The following HEATR3 variants were observed in gnomAD, a reference collection of about 807,000 sequenced individuals.
HEATR3 encodes HEAT repeat containing 3, also known as HEAT repeat-containing protein 3.
HEATR3 carries 56 observed loss-of-function variants against 72.8 expected under a neutral mutation model. That is an observed-to-expected ratio of 0.77 (90% confidence interval 0.62 to 0.96). HEATR3 has a LOEUF of 0.96. Ranked by LOEUF, HEATR3 falls within the 40% of genes least tolerant of loss-of-function variation. The pLI is 0.00. For missense variants in HEATR3, 747 were observed against 831.4 expected (o/e 0.90, Z 1.25); for synonymous variants, 331 against 318.1 (o/e 1.04, Z -0.43).
At chr16:50,103,648 A>G (rs2037415938) in intron 14 of HEATR3, among the ~76,000 whole-genome samples, 1 of 152,310 alleles carries the variant, frequency 6.6e-6, no homozygotes, top group African/African-American at 2.4e-5. Flanking sequence ...CAAGCCTTCC[A>G]GATGATACCG....
At chr16:50,101,620 A>G (rs1043306044) in intron 13 of HEATR3, among the ~76,000 whole-genome samples, 74 of 152,284 alleles carry the variant, frequency 4.9e-4, no homozygotes, top group African/African-American at 1.7e-3. Context: ...CAGTTGTCCA[A>G]TATAGTGTCC....
At chr16:50,093,806 G>A (rs529742352) in intron 11 of HEATR3, among the ~76,000 whole-genome samples, 3 of 152,268 alleles carry the variant, frequency 2.0e-5, no homozygotes, top group Middle Eastern at 3.4e-3. Flanking sequence ...TTCCCAGGGC[G>A]GAAGTCGAGA....
intron 9 of HEATR3, 113 bp from the exon 10 acceptor site, chr16:50,084,456 T>C: frequency 8.9e-7 from 1 of 1,129,536 alleles, no homozygotes; most frequent in Non-Finnish European, 1.3e-6. Context: ...GAAAAGGTCA[T>C]TCTATATGAA....
At chr16:50,101,930 T>C (rs979299117) in intron 13 of HEATR3, among the ~76,000 whole-genome samples, 1 of 152,268 alleles carries the variant, frequency 6.6e-6, no homozygotes, top group East Asian at 1.9e-4. Flanking sequence ...TTGTTGTCGT[T>C]GTTGTTACAG....
chr16:50,089,161 A>T (rs897030586), intron 11 of HEATR3, among the ~76,000 whole-genome samples: 3 of 152,288 alleles, frequency 2.0e-5, no homozygotes, highest in South Asian at 2.1e-4. Flanking sequence ...GGGAAAATAT[A>T]ACTAAGCACT....
intron 2 of HEATR3, 72 bp downstream of exon 2, chr16:50,066,611 C>A: frequency 1.6e-6 from 2 of 1,227,060 alleles, no homozygotes; most frequent in Non-Finnish European, 1.0e-6. Flanking sequence ...GCGGTCGCAG[C>A]GGTCACCCAG....
At chr16:50,083,057 C>G (rs1204652357) in intron 7 of HEATR3, among the ~76,000 whole-genome samples, 2 of 152,114 alleles carry the variant, frequency 1.3e-5, no homozygotes, top group Non-Finnish European at 2.9e-5. Flanking sequence ...TTGCTTGAGT[C>G]CAGGAATTTG....
intron 2 of HEATR3, 161 bp downstream of exon 2, chr16:50,066,700 G>T (rs1266855628): frequency 1.6e-6 from 1 of 612,460 alleles, no homozygotes; most frequent in Non-Finnish European, 2.4e-6. Flanking sequence ...CTCCGGAGAA[G>T]CCCAGTATCC....
intron 13 of HEATR3, among the ~76,000 whole-genome samples, chr16:50,101,557 T>C (rs61321848): frequency 0.023 from 3,454 of 152,314 alleles, 129 homozygotes; most frequent in African/African-American, 0.08. Context: ...CTTTCTCTCT[T>C]AATCTTGAAC....
Position 50,094,832 on chromosome 16 carries a change from A to T in HEATR3, c.1599+39A>T, listed in dbSNP as rs1367351410. Reference sequence around the variant, plus strand: ...AATTTTTTGTATGAAACTTGTAAAGATTGTGTATTATGGAGGCAAAATTCA... The same window carrying T: ...AATTTTTTGTATGAAACTTGTAAAGTTTGTGTATTATGGAGGCAAAATTCA... On this transcript the variant is annotated intron_variant, in intron 12 of 14. Coordinates refer to ENST00000299192, the MANE Select transcript of HEATR3 (RefSeq NM_182922.4). The T allele has an allele frequency of 4.6e-6, 6 of 1,291,870 alleles. No homozygotes were observed. The African/African-American group carries it at 9.0e-5, about 19-fold the overall frequency. 80.0% of individuals were successfully genotyped at this position (1,291,870 alleles called of 1,614,324 possible).
intron 12 of HEATR3, among the ~76,000 whole-genome samples, chr16:50,095,263 G>A (rs889454228): frequency 1.3e-5 from 2 of 151,844 alleles, no homozygotes; most frequent in Admixed American, 6.6e-5. Context: ...ACAGGCATGC[G>A]TCACCACAAA....
rs1250292061 is a variant in HEATR3, at chr16:50,106,629, C to T, written c.*1568C>T. On this transcript the variant is annotated 3_prime_UTR_variant, in exon 15 of 15. Coordinates refer to ENST00000299192, the MANE Select transcript of HEATR3 (RefSeq NM_182922.4). ...CATTGTCTCGGCTGGGCCTCTGAAC[C>T]GGCTTCATTGTCCATCCGTTTGCCT... 1 of 152,070 alleles carries T rather than the reference C, an allele frequency of 6.6e-6. No individual in the cohort carries two copies. The highest frequency in any genetic ancestry group is 1.5e-5 in the Non-Finnish European group (1 of 68,018). The allele number at this position is 152,070 out of a possible 1,614,324, so 9.4% of individuals were successfully genotyped here.
chr16:50,091,435 C>A (rs967858341), intron 11 of HEATR3, among the ~76,000 whole-genome samples: 1 of 151,692 alleles, frequency 6.6e-6, no homozygotes, highest in Non-Finnish European at 1.5e-5. Context: ...CCACTGCACT[C>A]CAGCCTGAGC....
At position 50,066,103 on chromosome 16, in the gene HEATR3, G is replaced by A; in HGVS notation, c.-29G>A. The stretch of plus-strand genomic sequence containing the variant: ...CCGCCTGCTGTTGCCCTCCTCTCTC[G>A]GTGGTCTGTCCGCCCAGCGCACGTC... On this transcript the variant is annotated 5_prime_UTR_variant, in exon 1 of 15. Coordinates refer to ENST00000299192, the MANE Select transcript of HEATR3 (RefSeq NM_182922.4). 6.4e-7 allele frequency: 1 copy of A among 1,567,642 alleles called. No homozygotes were observed. The highest frequency in any genetic ancestry group is 8.6e-7 in the Non-Finnish European group (1 of 1,159,988).
At chr16:50,070,473 G>A (rs1209140770) in intron 4 of HEATR3, among the ~76,000 whole-genome samples, 183 bp downstream of exon 4, 1 of 152,190 alleles carries the variant, frequency 6.6e-6, no homozygotes, top group Non-Finnish European at 1.5e-5. Flanking sequence ...GCCGAGGCGG[G>A]TGGATCACTT....
At chr16:50,092,725 A>G (rs1270304926) in intron 11 of HEATR3, among the ~76,000 whole-genome samples, 1 of 144,926 alleles carries the variant, frequency 6.9e-6, no homozygotes, top group African/African-American at 2.5e-5. Context: ...TACAGGCGTG[A>G]GCCACCGCGC....
Position 50,066,510 on chromosome 16 carries a change from C to G in HEATR3, c.282C>G (p.Ala94=). 2 of 1,314,362 alleles carry G rather than the reference C, an allele frequency of 1.5e-6. No individual in the cohort carries two copies. The highest frequency in any genetic ancestry group is 1.9e-6 in the Non-Finnish European group (2 of 1,036,632). The allele number at this position is 1,314,362 out of a possible 1,614,324, so 81.4% of individuals were successfully genotyped here. A position where few individuals can be genotyped will look rare whatever the true frequency, so the allele number is the denominator to read the frequency against. ...CGCTGCTGCTAGACCCCAGCCTGGC[C>G]GTCAGGGAGACTGCAGCCGGCGCGC... The part of the protein sequence containing the change: ...LGPLLLDPSL[A]VRETAAGALR... The change falls in exon 2 of 15, where the codon GCC becomes GCG. Residue 94 remains alanine, a synonymous_variant. Transcript: ENST00000299192.
At chr16:50,072,085 G>A (rs1254330505) in intron 4 of HEATR3, among the ~76,000 whole-genome samples, 1 of 151,934 alleles carries the variant, frequency 6.6e-6, no homozygotes, top group Admixed American at 6.6e-5. Context: ...AAATATAGTA[G>A]GTTAAAAAAT....
At position 50,066,441 on chromosome 16, in the gene HEATR3, A is replaced by G; in HGVS notation, c.213A>G (p.Ala71=). 2.1e-6 allele frequency: 3 copies of G among 1,431,848 alleles called. No individual in the cohort carries two copies. Among genetic ancestry groups the G allele is most frequent in the South Asian group, 1.5e-5 (1 of 68,066 alleles). The allele number at this position is 1,431,848 out of a possible 1,614,324, so 88.7% of individuals were successfully genotyped here. ...GLARLVQQRP[A]LPGLARRDAV... ...CCCGGCTGGTGCAGCAGCGGCCGGC[A>G]CTCCCGGGCCTGGCGCGACGAGACG... Residue 71 remains alanine, a synonymous_variant, in exon 2 of 15, where the codon GCA becomes GCG. Transcript: ENST00000299192.
Sources: gnomAD v4.1 joint callset for allele counts (sites outside exome capture counted in the v4.1 genomes callset) on GRCh38, gnomAD v4.1.1 for gene constraint, MANE v1.5 for transcripts, NCBI Gene and HGNC (gene_info 2026-07-23, HGNC 2026-07-21) for gene names.